DENND4A: variants seen among roughly 807,000 people sequenced by gnomAD.
DENND4A encodes the protein DENN domain containing 4A, also known as C-myc promoter-binding protein.
Under a neutral mutation model 199.3 loss-of-function variants are expected in DENND4A, and 70 were observed. The observed-to-expected ratio is 0.35, with a 90% CI of 0.29 to 0.43. DENND4A has a LOEUF of 0.43. Ranked by LOEUF, DENND4A falls within the 20% of genes least tolerant of loss-of-function variation. The pLI, the probability that DENND4A is intolerant of heterozygous loss-of-function variation, is 1.00. For synonymous variants in DENND4A, 686 were observed against 766.9 expected, an observed-to-expected ratio of 0.89 and a Z score of 1.74; for missense variants, 1,723 against 2,255.8, an observed-to-expected ratio of 0.76 and a Z score of 4.78.
chr15:65,671,671 T>G, intron 25 of DENND4A, 121 bp downstream of exon 25: 1 of 699,338 alleles, frequency 1.4e-6, no homozygotes. Context: ...ATTACAGGCG[T>G]GAGCCACCGC....
chr15:65,779,399 T>G (rs1425962811), intron 1 of DENND4A, among the ~76,000 whole-genome samples: 1 of 144,044 alleles, frequency 6.9e-6, no homozygotes, highest in Non-Finnish European at 1.5e-5. Flanking sequence ...GAGGTTGCAG[T>G]GAGCCGAGAT....
Position 65,660,271 on chromosome 15 carries a change from T to C in DENND4A, c.*1580A>G. On this transcript the variant is annotated 3_prime_UTR_variant, in exon 33 of 33. Coordinates refer to ENST00000443035, the MANE Select transcript of DENND4A (RefSeq NM_001320835.1). ...TTACATTTTTAAACTCTCTCCATTA[T>C]TTCCCAGAGTTGGAAGCTGTGAAAT... is the stretch of plus-strand genomic sequence containing the variant. The C allele has an allele frequency of 6.5e-7, 1 of 1,534,138 alleles. No homozygotes were observed. Among genetic ancestry groups the C allele is most frequent in the Non-Finnish European group, 8.7e-7 (1 of 1,145,478 alleles).
At chr15:65,743,583 A>G (rs2076312756) in intron 4 of DENND4A, among the ~76,000 whole-genome samples, 1 of 152,204 alleles carries the variant, frequency 6.6e-6, no homozygotes, top group South Asian at 2.1e-4. Flanking sequence ...ACTTTCTAAC[A>G]TACTATACTT....
At chr15:65,788,600 G>T (rs1299703482) in intron 1 of DENND4A, among the ~76,000 whole-genome samples, 1 of 151,732 alleles carries the variant, frequency 6.6e-6, no homozygotes, top group Non-Finnish European at 1.5e-5. Context: ...GCCAGGTGCA[G>T]TAATCACAGC....
chr15:65,752,720 T>TA, intron 3 of DENND4A, 92 bp from the exon 4 acceptor site: 1 of 789,078 alleles, frequency 1.3e-6, no homozygotes, highest in Non-Finnish European at 1.9e-6. Context: ...TTAAATGTAG[T>TA]AGCATGGTAA....
At chr15:65,778,702 T>A (rs1007356952) in intron 1 of DENND4A, among the ~76,000 whole-genome samples, 3 of 151,320 alleles carry the variant, frequency 2.0e-5, no homozygotes, top group Non-Finnish European at 4.4e-5. Flanking sequence ...ATCGAGACCA[T>A]CCTAGCTAAC....
intron 27 of DENND4A, 24 bp downstream of exon 27, chr15:65,669,755 A>G (rs965508296): frequency 6.4e-7 from 1 of 1,572,336 alleles, no homozygotes; most frequent in Non-Finnish European, 8.7e-7. Context: ...TTGTTAAAAT[A>G]TAGTTCCACA....
chr15:65,758,564 A>C (rs529273392), intron 2 of DENND4A, among the ~76,000 whole-genome samples: 2 of 152,312 alleles, frequency 1.3e-5, no homozygotes, highest in South Asian at 4.1e-4. Flanking sequence ...CTCCCGCCTC[A>C]GCCTCCCAAA....
rs2075837771 is a variant in DENND4A, at chr15:65,661,266, T to C, written c.*585A>G. On this transcript the variant is annotated 3_prime_UTR_variant, in exon 33 of 33. Transcript: ENST00000443035. ...AATAAAAAATATATATATAGATAGA[T>C]ATACACAGAGAGATCTGCAGCTGTA... is the stretch of plus-strand genomic sequence containing the variant. 1 of 152,106 alleles carries C rather than the reference T, an allele frequency of 6.6e-6. No individual in the cohort carries two copies. The highest frequency in any genetic ancestry group is 2.4e-5 in the African/African-American group (1 of 41,404). 9.4% of individuals were successfully genotyped at this position (152,106 alleles called of 1,614,324 possible).
At chr15:65,790,604 C>CTGAG (rs1165359100) in intron 1 of DENND4A, among the ~76,000 whole-genome samples, 5 of 152,268 alleles carry the variant, frequency 3.3e-5, no homozygotes, top group Non-Finnish European at 5.9e-5. Context: ...TGGACTCCTA[C>CTGAG]TGAGAGCTGT....
intron 32 of DENND4A, among the ~76,000 whole-genome samples, chr15:65,663,081 T>C (rs1287915725): frequency 6.6e-6 from 1 of 152,002 alleles, no homozygotes; most frequent in Non-Finnish European, 1.5e-5. Flanking sequence ...GGTTAAGTTC[T>C]GGCATCTTTC....
chr15:65,752,621 A>C lies in DENND4A; in HGVS notation c.319T>G (p.Tyr107Asp). 3 of 1,505,418 alleles carry C rather than the reference A, an allele frequency of 2.0e-6. No homozygotes were observed. The highest frequency in any genetic ancestry group is 2.7e-6 in the Non-Finnish European group (3 of 1,119,452). The allele number at this position is 1,505,418 out of a possible 1,614,324, so 93.3% of individuals were successfully genotyped here. A position where few individuals can be genotyped will look rare whatever the true frequency, so the allele number is the denominator to read the frequency against. Residue 107 changes from tyrosine (Y) to aspartate (D), a missense_variant, in exon 4 of 33, where the codon TAT becomes GAT. Around this residue, in one of 6 missense-constraint regions of DENND4A, gnomAD observed 725 missense variants for 952.9 expected, o/e 0.76. Coordinates refer to ENST00000443035, the MANE Select transcript of DENND4A (RefSeq NM_001320835.1). ...KPPLTDLGVL[Y>D]DWKERLKQGC... ...TGTTTCAATCTTTCTTTCCAGTCAT[A>C]TAAAACCCTAAAAATAAATTTTTAA... is the stretch of plus-strand genomic sequence containing the variant.
chr15:65,737,225 A>G (rs58224256), intron 7 of DENND4A, among the ~76,000 whole-genome samples: 144 of 152,108 alleles, frequency 9.5e-4, no homozygotes, highest in African/African-American at 3.4e-3. Context: ...ATGTCCAACT[A>G]ATTTCTGTAG....
chr15:65,721,179 A>G (rs1211799800), intron 12 of DENND4A, among the ~76,000 whole-genome samples: 1 of 151,678 alleles, frequency 6.6e-6, no homozygotes, highest in African/African-American at 2.4e-5. Flanking sequence ...AAAGAAGTGC[A>G]AACACTTTTA....
At position 65,660,248 on chromosome 15, in the gene DENND4A, A is replaced by C; in HGVS notation, c.*1603T>G. 1.3e-6 allele frequency: 2 copies of C among 1,525,638 alleles called. No homozygotes were observed. The highest frequency in any genetic ancestry group is 1.4e-5 in the African/African-American group (1 of 72,968). The allele number at this position is 1,525,638 out of a possible 1,614,324, so 94.5% of individuals were successfully genotyped here. ...TCAGCCCCAAACTAACTGAAGTTTTACATTTTTAAACTCTCTCCATTATTT... is the reference window on the plus strand; with the variant it reads ...TCAGCCCCAAACTAACTGAAGTTTTCCATTTTTAAACTCTCTCCATTATTT... On this transcript the variant is annotated 3_prime_UTR_variant, in exon 33 of 33. Coordinates refer to ENST00000443035, the MANE Select transcript of DENND4A (RefSeq NM_001320835.1).
At chr15:65,738,372 G>C (rs1197655668) in intron 6 of DENND4A, among the ~76,000 whole-genome samples, 1 of 151,882 alleles carries the variant, frequency 6.6e-6, no homozygotes, top group East Asian at 1.9e-4. Flanking sequence ...AATGTCCAAG[G>C]TCCCTTCCAA....
intron 23 of DENND4A, among the ~76,000 whole-genome samples, chr15:65,681,632 A>C (rs1181423881): frequency 2.0e-5 from 3 of 149,594 alleles, no homozygotes; most frequent in Non-Finnish European, 4.4e-5. Context: ...GCTGGAGTAC[A>C]GACAGTCATC....
In DENND4A at chr15:65,670,176, T is replaced by C; in HGVS notation, c.4477A>G (p.Ser1493Gly). Residue 1493 changes from serine (S) to glycine (G), a missense_variant, in exon 26 of 33, where the codon AGT (serine) becomes GGT (glycine). Physicochemically the swap from Ser to Gly is moderately conservative, Grantham distance 56 (BLOSUM62 0). Transcript: ENST00000443035. Reference sequence around the variant, plus strand: ...TCACAAGTTCTACACCGAGAGCAACTTGAGATGAGAACCTGTGGGAGAAGA... The same window carrying C: ...TCACAAGTTCTACACCGAGAGCAACCTGAGATGAGAACCTGTGGGAGAAGA... ...QNYAMEVLIS[S>G]CSRCRTCDCL... 6.5e-7 allele frequency: 1 copy of C among 1,526,920 alleles called. No homozygotes were observed. Among genetic ancestry groups the C allele is most frequent in the Non-Finnish European group, 8.8e-7 (1 of 1,135,048 alleles). 94.6% of individuals were successfully genotyped at this position (1,526,920 alleles called of 1,614,324 possible).
At chr15:65,760,466 C>G (rs1039949393) in intron 2 of DENND4A, among the ~76,000 whole-genome samples, 10 of 152,104 alleles carry the variant, frequency 6.6e-5, no homozygotes, top group African/African-American at 1.9e-4. Context: ...CCACTGCACT[C>G]CAGCCTGGGC....
Sources: gnomAD v4.1 joint callset for allele counts (sites outside exome capture counted in the v4.1 genomes callset) on GRCh38, gnomAD v4.1.1 for gene constraint, gnomAD v4.1.1 regional missense constraint, MANE v1.5 for transcripts, NCBI Gene and HGNC (gene_info 2026-07-23, HGNC 2026-07-21) for gene names.